PLCD3: variants seen among roughly 807,000 people sequenced by gnomAD.
PLCD3 encodes the protein 1-phosphatidylinositol 4,5-bisphosphate phosphodiesterase delta-3.
In PLCD3, 62 loss-of-function variants were observed where a neutral mutation model predicts 82.8. The observed-to-expected ratio is 0.75, with a 90% CI of 0.61 to 0.93. The LOEUF is 0.93. PLCD3 is among the 40% of genes least tolerant of loss of function. PLCD3 has a pLI of 0.00. For missense variants in PLCD3, 1,023 were observed against 1,103.4 expected, an observed-to-expected ratio of 0.93 and a Z score of 1.03; for synonymous variants, 478 against 471.8, an observed-to-expected ratio of 1.01 and a Z score of -0.17.
At position 45,113,194 on chromosome 17, in the gene PLCD3, G is replaced by A; in HGVS notation, c.2059C>T (p.Leu687=). 6.2e-7 allele frequency: 1 copy of A among 1,611,836 alleles called. No individual in the cohort carries two copies. The highest frequency in any genetic ancestry group is 8.5e-7 in the Non-Finnish European group (1 of 1,179,118). The change falls in exon 13 of 15, where the codon CTG becomes TTG. Residue 687 remains leucine (L), a synonymous_variant. Coordinates refer to ENST00000619929, the MANE Select transcript of PLCD3 (RefSeq NM_133373.5). The part of the protein sequence containing the change: ...AEKPHSIVDP[L]VRIEIHGVPA... ...ACCCCATGGATCTCAATGCGCACCA[G>A]GGGGTCCACAATGGAGTGTGGCTTC...
At position 45,121,077 on chromosome 17, in the gene PLCD3, G is replaced by T. The variant is rs2054334705; in HGVS notation, c.379C>A (p.Arg127=). 1 of 1,540,888 alleles carries T rather than the reference G, an allele frequency of 6.5e-7. No homozygotes were observed. The change falls in exon 3 of 15, where the codon CGG becomes AGG. Residue 127 remains arginine, a synonymous_variant. Transcript: ENST00000619929. ...GGCGCGAAGGCACCCCCGAAGCGCC[G>T]CAGGCCCTCGGACTGGTGGCCCTCG... is the stretch of plus-strand genomic sequence containing the variant. The part of the protein sequence containing the change: ...VREGHQSEGL[R]RFGGAFAPAR...
At chr17:45,123,488 G>A (rs1425155476) in intron 1 of PLCD3, among the ~76,000 whole-genome samples, 4 of 152,178 alleles carry the variant, frequency 2.6e-5, no homozygotes, top group East Asian at 1.9e-4. Flanking sequence ...ACAGGTAGAC[G>A]GACAGATGGG....
intron 1 of PLCD3, chr17:45,129,160 A>G (rs1226238186): frequency 1.3e-5 from 2 of 152,280 alleles, no homozygotes; most frequent in African/African-American, 4.8e-5. Context: ...GTTCATTAGT[A>G]TTCATCAGGC....
intron 1 of PLCD3, among the ~76,000 whole-genome samples, chr17:45,122,235 G>C (rs1469007655): frequency 6.6e-6 from 1 of 152,046 alleles, no homozygotes; most frequent in Non-Finnish European, 1.5e-5. Context: ...TCCAGGCATG[G>C]GAGGCTGAGG....
chr17:45,122,811 C>G (rs995061179), intron 1 of PLCD3, among the ~76,000 whole-genome samples: 2 of 152,108 alleles, frequency 1.3e-5, no homozygotes, highest in Non-Finnish European at 2.9e-5. Context: ...AATGCCTCAA[C>G]GAGAGTCACA....
intron 1 of PLCD3, among the ~76,000 whole-genome samples, chr17:45,130,000 T>C (rs964443390): frequency 6.6e-6 from 1 of 152,192 alleles, no homozygotes. Flanking sequence ...GGAGGCTACC[T>C]GGGTGACAGG....
chr17:45,109,189 G>A lies in PLCD3; in HGVS notation c.*3427C>T, dbSNP rs16939864. On this transcript the variant is annotated 3_prime_UTR_variant, in exon 15 of 15. Coordinates refer to ENST00000619929, the MANE Select transcript of PLCD3 (RefSeq NM_133373.5). ...CTGCCCTTCTTCCAGGGCAAACTTG[G>A]TGTTGTCAGACCCTTCCCACCCGCC... 0.051 allele frequency: 7,751 copies of A among 152,346 alleles called. 386 individuals are homozygous for A. The highest frequency in any genetic ancestry group is 0.25 in the East Asian group (1,273 of 5,166). The allele number at this position is 152,346 out of a possible 1,614,324, so 9.4% of individuals were successfully genotyped here. A position where few individuals can be genotyped will look rare whatever the true frequency, so the allele number is the denominator to read the frequency against.
At chr17:45,126,276 G>C (rs568383406) in intron 1 of PLCD3, among the ~76,000 whole-genome samples, 7 of 150,400 alleles carry the variant, frequency 4.7e-5, no homozygotes, top group African/African-American at 1.7e-4. Context: ...TTGATATCCT[G>C]ACCTCATGAT....
chr17:45,124,499 C>G (rs1186333815), intron 1 of PLCD3, among the ~76,000 whole-genome samples: 1 of 152,202 alleles, frequency 6.6e-6, no homozygotes, highest in Non-Finnish European at 1.5e-5. Context: ...TGGTTGGGTG[C>G]TTCTGTGTCC....
Position 45,132,411 on chromosome 17 carries a change from G to A in PLCD3, c.-1C>T. The A allele has an allele frequency of 8.2e-7, 1 of 1,215,860 alleles. No homozygotes were observed. The highest frequency in any genetic ancestry group is 1.0e-6 in the Non-Finnish European group (1 of 977,818). The allele number at this position is 1,215,860 out of a possible 1,614,324, so 75.3% of individuals were successfully genotyped here. A position where few individuals can be genotyped will look rare whatever the true frequency, so the allele number is the denominator to read the frequency against. On this transcript the variant is annotated 5_prime_UTR_variant, in exon 1 of 15. Coordinates refer to ENST00000619929, the MANE Select transcript of PLCD3 (RefSeq NM_133373.5). This position sits in a 1 kb window ranked among gnomAD's most constrained non-coding sequence, Gnocchi z 4.6. ...AACGCCTCCAGCGGCCGCACAGCAT[G>A]GCTTGGCGGGGGGCCGGGGCCGGGC...
chr17:45,115,005 C>G, intron 10 of PLCD3, 89 bp downstream of exon 10: 1 of 1,493,636 alleles, frequency 6.7e-7, no homozygotes, highest in East Asian at 2.5e-5. Context: ...TCTTTACTGT[C>G]CCCCAAAGCC....
chr17:45,125,158 T>C lies in PLCD3; in HGVS notation c.164-3786A>G, dbSNP rs1353429855. The stretch of plus-strand genomic sequence containing the variant: ...CCTGACCAACATGGTGAAACCCTGT[T>C]TCTGTTTAAAATATAAAACATCAGC... On this transcript the variant is annotated intron_variant, in intron 1 of 14. Transcript: ENST00000619929. 8.2e-3 allele frequency among the ~76,000 whole-genome samples: 1,013 copies of C among 124,160 alleles called. 31 individuals are homozygous for C. Among genetic ancestry groups the C allele is most frequent in the East Asian group, 0.027 (107 of 3,994 alleles). 81.5% of individuals were successfully genotyped at this position (124,160 alleles called of 152,430 possible). A position where few individuals can be genotyped will look rare whatever the true frequency, so the allele number is the denominator to read the frequency against.
intron 11 of PLCD3, 97 bp downstream of exon 11, chr17:45,114,153 T>C (rs1452127815): frequency 2.3e-6 from 2 of 878,542 alleles, no homozygotes; most frequent in East Asian, 6.1e-5. Context: ...AAAATGCGTG[T>C]TTCCACCGTC....
At position 45,119,827 on chromosome 17, in the gene PLCD3, C is replaced by T. The variant is rs562663266; in HGVS notation, c.684+498G>A. Among the ~76,000 whole-genome samples, 5 of 150,856 alleles carry T rather than the reference C, an allele frequency of 3.3e-5. No individual in the cohort carries two copies. The East Asian group carries it at 9.7e-4, about 29-fold the overall frequency. ...TTTCGGGGTCACAGGTGGGTCCCAC[C>T]ATCCACATGCACACAGAGGTCTGCC... On this transcript the variant is annotated intron_variant, in intron 4 of 14. Coordinates refer to ENST00000619929, the MANE Select transcript of PLCD3 (RefSeq NM_133373.5).
chr17:45,112,431 C>A lies in PLCD3; in HGVS notation c.*185G>T. ...GAAGTCACATGAACACCTTTCTGTT[C>A]TTCAGGAGGGGCCCAGGCAGCCCTC... On this transcript the variant is annotated 3_prime_UTR_variant, in exon 15 of 15. Coordinates refer to ENST00000619929, the MANE Select transcript of PLCD3 (RefSeq NM_133373.5). The A allele has an allele frequency of 1.5e-6, 1 of 655,968 alleles. No individual in the cohort carries two copies. Among genetic ancestry groups the A allele is most frequent in the East Asian group, 2.7e-5 (1 of 36,406 alleles). 40.6% of individuals were successfully genotyped at this position (655,968 alleles called of 1,614,324 possible). A position where few individuals can be genotyped will look rare whatever the true frequency, so the allele number is the denominator to read the frequency against.
At chr17:45,114,046 A>G (rs1373459676) in intron 11 of PLCD3, among the ~76,000 whole-genome samples, 16 of 152,112 alleles carry the variant, frequency 1.1e-4, no homozygotes, top group Admixed American at 1.0e-3. Flanking sequence ...TTTAATTTCT[A>G]CCATGATAAA....
Position 45,112,693 on chromosome 17 carries a change from T to A in PLCD3, c.2293A>T (p.Ile765Leu), listed in dbSNP as rs1338408294. Residue 765 changes from isoleucine to leucine, a missense_variant, in exon 15 of 15, where the codon ATA becomes TTA. Ile to Leu is a conservative substitution (Grantham distance 5). Transcript: ENST00000619929. Reference sequence around the variant, plus strand: ...GCCCCGTCCTTGGAAAGCAGGTGTATGTGGCGGTACCCTGTAGGGAGGACA... The same window carrying A: ...GCCCCGTCCTTGGAAAGCAGGTGTAAGTGGCGGTACCCTGTAGGGAGGACA... ...LSSLKQGYRH[I>L]HLLSKDGASL... 4.4e-6 allele frequency: 7 copies of A among 1,605,634 alleles called. No individual in the cohort carries two copies. The highest frequency in any genetic ancestry group is 6.0e-6 in the Non-Finnish European group (7 of 1,176,406).
chr17:45,114,413 C>A lies in PLCD3; in HGVS notation c.1712-47G>T, dbSNP rs1440951359. On this transcript the variant is annotated intron_variant, in intron 10 of 14. Transcript: ENST00000619929. Reference sequence around the variant, plus strand: ...ACCGTGACAGACTCCGGGGGTCCCTCACCCAAAGCCCCGGCCTGTAACCTC... The same window carrying A: ...ACCGTGACAGACTCCGGGGGTCCCTAACCCAAAGCCCCGGCCTGTAACCTC... 4 of 1,463,984 alleles carry A rather than the reference C, an allele frequency of 2.7e-6. No homozygotes were observed. The East Asian group carries it at 1.0e-4, about 37-fold the overall frequency. 90.7% of individuals were successfully genotyped at this position (1,463,984 alleles called of 1,614,324 possible).
At position 45,113,423 on chromosome 17, in the gene PLCD3, G is replaced by A. The variant is rs1464644650; in HGVS notation, c.1995+16C>T. ...CCAGTCTGACCCCACACTGGGGCCC[G>A]TTCCAGCCTGCTGACCTGGATGCTG... On this transcript the variant is annotated intron_variant, in intron 12 of 14. Coordinates refer to ENST00000619929, the MANE Select transcript of PLCD3 (RefSeq NM_133373.5). 10 of 1,582,930 alleles carry A rather than the reference G, an allele frequency of 6.3e-6. No homozygotes were observed. Among genetic ancestry groups the A allele is most frequent in the South Asian group, 2.3e-5 (2 of 86,358 alleles).
Sources: allele counts gnomAD v4.1 joint callset (sites outside exome capture counted in the v4.1 genomes callset), GRCh38; gene constraint gnomAD v4.1.1; non-coding constraint Gnocchi (gnomAD v3.1); transcripts MANE v1.5; gene names NCBI Gene and HGNC (gene_info 2026-07-23, HGNC 2026-07-21).